Variants in ACYP2 observed in about 807,000 individuals in gnomAD.
ACYP2 encodes acylphosphatase 2.
Under a neutral mutation model 11.2 loss-of-function variants are expected in ACYP2, and 12 were observed. The observed-to-expected ratio is 1.08, with a 90% CI of 0.69 to 1.74. The LOEUF (loss-of-function observed/expected upper bound fraction) is 1.74, where lower values mean the gene tolerates loss of function less well. Ranked by LOEUF, ACYP2 falls within the 40% of genes most tolerant of loss-of-function variation. The probability of loss-of-function intolerance (pLI) is 0.00; values close to 1 mark genes in which losing one functional copy is unlikely to be tolerated. For missense variants in ACYP2, 134 were observed against 101.9 expected (o/e 1.31, Z -1.35); for synonymous variants, 43 against 32.2 (o/e 1.33, Z -1.13).
chr2:54,224,205 C>T (rs189801035), intron 6 of ACYP2, among the ~76,000 whole-genome samples: 14 of 152,364 alleles, frequency 9.2e-5, no homozygotes, highest in African/African-American at 3.1e-4. Context: ...AGGCCTCATT[C>T]AGCCACACTG....
At chr2:54,245,537 C>G (rs1354668198) in intron 6 of ACYP2, among the ~76,000 whole-genome samples, 1 of 151,922 alleles carries the variant, frequency 6.6e-6, no homozygotes, top group African/African-American at 2.4e-5. Flanking sequence ...TGTTTTTTGT[C>G]TTTTTGATAA....
chr2:54,041,320 T>C (rs1030187928), intron 2 of ACYP2, among the ~76,000 whole-genome samples: 8 of 152,158 alleles, frequency 5.3e-5, no homozygotes, highest in Non-Finnish European at 1.2e-4. Context: ...ATGGGCATGA[T>C]GCAGCGGTGG....
chr2:54,069,191 G>A (rs981937354), intron 4 of ACYP2, among the ~76,000 whole-genome samples: 3 of 152,040 alleles, frequency 2.0e-5, no homozygotes, highest in Admixed American at 6.5e-5. Flanking sequence ...CAGGCCTCCC[G>A]AAGTGCTGGG....
rs959079469 is a variant in ACYP2 at position 54,304,987 on chromosome 2, C to G, written c.*185C>G. 5 of 395,884 alleles carry G rather than the reference C, an allele frequency of 1.3e-5. No homozygotes were observed. The highest frequency in any genetic ancestry group is 1.0e-4 in the African/African-American group (5 of 48,842). 24.5% of individuals were successfully genotyped at this position (395,884 alleles called of 1,614,324 possible). On this transcript the variant is annotated 3_prime_UTR_variant, in exon 7 of 7. Transcript: ENST00000607452. ...TTTACTCAACTATGTTTTCAACAAG[C>G]AAAAATATAGTATTCTAAGATTAAA...
intron 4 of ACYP2, among the ~76,000 whole-genome samples, chr2:54,057,708 G>A (rs543734046): frequency 6.6e-6 from 1 of 152,040 alleles, no homozygotes; most frequent in African/African-American, 2.4e-5. Context: ...TATGTTGTTA[G>A]CAAAAATATA....
chr2:54,287,402 T>G (rs1689123262), intron 6 of ACYP2, among the ~76,000 whole-genome samples: 1 of 152,000 alleles, frequency 6.6e-6, no homozygotes, highest in African/African-American at 2.4e-5. Flanking sequence ...CAATTAAATT[T>G]TACCATATGA....
intron 6 of ACYP2, among the ~76,000 whole-genome samples, chr2:54,211,922 C>CT (rs1685344625): frequency 6.6e-6 from 1 of 151,372 alleles, no homozygotes; most frequent in South Asian, 2.1e-4. Flanking sequence ...CTCTCTCTCT[C>CT]TTTTTTTCTG....
At chr2:54,023,901 T>C (rs538348647) in intron 2 of ACYP2, among the ~76,000 whole-genome samples, 68 of 152,278 alleles carry the variant, frequency 4.5e-4, no homozygotes, top group African/African-American at 1.6e-3. Context: ...CTGTTGACAC[T>C]ATTCCAGAAG....
chr2:54,202,537 A>G (rs1684891840), intron 6 of ACYP2, among the ~76,000 whole-genome samples: 1 of 150,466 alleles, frequency 6.6e-6, no homozygotes, highest in African/African-American at 2.4e-5. Context: ...CCTCCCAAGT[A>G]GCTGGGATTA....
At chr2:54,071,695 G>C (rs1369488497) in intron 4 of ACYP2, among the ~76,000 whole-genome samples, 2 of 152,052 alleles carry the variant, frequency 1.3e-5, no homozygotes, top group African/African-American at 2.4e-5. Context: ...TTGTATTTCT[G>C]TATACTCCAA....
At chr2:54,025,429 T>TA (rs1376023210) in intron 2 of ACYP2, among the ~76,000 whole-genome samples, 2 of 152,156 alleles carry the variant, frequency 1.3e-5, no homozygotes, top group Non-Finnish European at 2.9e-5. Flanking sequence ...GCCAAGTACT[T>TA]ACAGCCAACT....
Position 54,267,563 on chromosome 2 carries a change from A to C in ACYP2, c.405-37125A>C, listed in dbSNP as rs140576440. Among the ~76,000 whole-genome samples the C allele has an allele frequency of 3.7e-3, 559 of 152,322 alleles. 4 individuals are homozygous for C. The highest frequency in any genetic ancestry group is 0.013 in the African/African-American group (534 of 41,558). On this transcript the variant is annotated intron_variant, in intron 6 of 6. Transcript: ENST00000607452. ...TAAGCCCCATTTCATACATGCCATGAATAATAGGCCTCCCTGGGGTAACAA... is the reference window on the plus strand; with the variant it reads ...TAAGCCCCATTTCATACATGCCATGCATAATAGGCCTCCCTGGGGTAACAA...
intron 4 of ACYP2, among the ~76,000 whole-genome samples, chr2:54,069,305 G>C (rs1676895724): frequency 6.6e-6 from 1 of 151,902 alleles, no homozygotes; most frequent in African/African-American, 2.4e-5. Flanking sequence ...GGGATAATTT[G>C]CCTGAAATTT....
intron 2 of ACYP2, chr2:53,975,239 A>AG (rs1671412934): frequency 2.5e-6 from 1 of 398,032 alleles, no homozygotes; most frequent in African/African-American, 2.1e-5. Flanking sequence ...AAAAAAAAAA[A>AG]ATTCAGAGAA....
At chr2:54,167,486 A>G (rs768426079) in intron 6 of ACYP2, among the ~76,000 whole-genome samples, 1 of 152,216 alleles carries the variant, frequency 6.6e-6, no homozygotes, top group Non-Finnish European at 1.5e-5. Context: ...TTTAGATTTC[A>G]CAGTTGTAGT....
At chr2:54,213,846 T>C (rs910610527) in intron 6 of ACYP2, among the ~76,000 whole-genome samples, 3 of 151,834 alleles carry the variant, frequency 2.0e-5, no homozygotes, top group Non-Finnish European at 2.9e-5. Flanking sequence ...CTGCTCACTA[T>C]AGCCTCAACC....
intron 4 of ACYP2, among the ~76,000 whole-genome samples, chr2:54,058,654 G>T (rs1573626534): frequency 6.6e-6 from 1 of 151,540 alleles, no homozygotes; most frequent in East Asian, 1.9e-4. Context: ...AATGTGGCTT[G>T]GCAGTTAAGA....
chr2:54,149,443 T>A (rs144881684), intron 6 of ACYP2, among the ~76,000 whole-genome samples: 128 of 152,364 alleles, frequency 8.4e-4, no homozygotes, highest in African/African-American at 2.8e-3. Context: ...CCAATTGCAG[T>A]GGTAAGTTCT....
At position 54,146,448 on chromosome 2, in the gene ACYP2, T is replaced by A. The variant is rs560509358; in HGVS notation, c.404+7700T>A. Among the ~76,000 whole-genome samples, 125 of 152,122 alleles carry A rather than the reference T, an allele frequency of 8.2e-4. 2 individuals are homozygous for A. Among genetic ancestry groups the A allele is most frequent in the South Asian group, 4.0e-3 (19 of 4,810 alleles). On this transcript the variant is annotated intron_variant, in intron 6 of 6. Coordinates refer to ENST00000607452, the MANE Select transcript of ACYP2 (RefSeq NM_001320586.2). ...ATGGACCTGATCCTCTATTTTTTTT[T>A]TTTTTTATTACAGACTGGATTTTAC...
Sources: gnomAD v4.1 joint callset for allele counts (sites outside exome capture counted in the v4.1 genomes callset) on GRCh38, gnomAD v4.1.1 for gene constraint, MANE v1.5 for transcripts, NCBI Gene and HGNC (gene_info 2026-07-23, HGNC 2026-07-21) for gene names.